The following ASIC2 variants were observed in gnomAD, a reference collection of about 807,000 sequenced individuals.
The protein encoded by ASIC2 is acid sensing ion channel subunit 2, also known as acid-sensing ion channel 2.
ASIC2 carries 25 observed loss-of-function variants against 57.3 expected under a neutral mutation model. That is an observed-to-expected ratio of 0.44 (90% CI 0.32 to 0.61). ASIC2 has a LOEUF of 0.61. ASIC2 is among the 20% of genes least tolerant of loss of function. The pLI is 0.06. For synonymous variants in ASIC2, 319 were observed against 307.5 expected (o/e 1.04, Z -0.39); for missense variants, 641 against 738.1 (o/e 0.87, Z 1.52).
chr17:33,831,598 A>G (rs1351594917), intron 1 of ASIC2, among the ~76,000 whole-genome samples: 5 of 151,970 alleles, frequency 3.3e-5, no homozygotes, highest in Non-Finnish European at 7.4e-5. Flanking sequence ...AAAAAAAAAA[A>G]ATAGAGTCCT....
At chr17:33,438,090 G>A (rs1911691322) in intron 1 of ASIC2, among the ~76,000 whole-genome samples, 1 of 152,148 alleles carries the variant, frequency 6.6e-6, no homozygotes, top group Non-Finnish European at 1.5e-5. Flanking sequence ...AAAATGTCAT[G>A]AGCAATGTAT....
intron 1 of ASIC2, among the ~76,000 whole-genome samples, chr17:33,925,471 A>T (rs1915804334): frequency 6.6e-6 from 1 of 152,204 alleles, no homozygotes; most frequent in Non-Finnish European, 1.5e-5. Flanking sequence ...CAGAATGGGG[A>T]TTAGACCTCT....
At chr17:33,478,015 AATG>A (rs1407347618) in intron 1 of ASIC2, among the ~76,000 whole-genome samples, 1 of 152,206 alleles carries the variant, frequency 6.6e-6, no homozygotes, top group African/African-American at 2.4e-5. Context: ...GATTTAAAAA[AATG>A]ATCTTGATGC....
At chr17:33,750,716 G>T (rs1220151110) in intron 1 of ASIC2, among the ~76,000 whole-genome samples, 1 of 152,124 alleles carries the variant, frequency 6.6e-6, no homozygotes, top group Non-Finnish European at 1.5e-5. Context: ...GAGACATCAG[G>T]CATTGTCTGA....
chr17:34,045,075 T>C (rs1908288504), intron 1 of ASIC2, among the ~76,000 whole-genome samples: 1 of 152,112 alleles, frequency 6.6e-6, no homozygotes, highest in Non-Finnish European at 1.5e-5. Context: ...GACCAGGGGT[T>C]GGGAGGAATG....
chr17:33,496,566 TG>T (rs1183158916), intron 1 of ASIC2, among the ~76,000 whole-genome samples: 1 of 146,182 alleles, frequency 6.8e-6, no homozygotes, highest in Non-Finnish European at 1.5e-5. Context: ...TGGCTTGGAA[TG>T]GGGGTCAATT....
Position 33,023,903 on chromosome 17 carries a change from T to C in ASIC2, c.1307A>G (p.Lys436Arg). The change falls in exon 6 of 10, where the codon AAG becomes AGG. Residue 436 changes from lysine (K) to arginine (R), a missense_variant. This residue lies in a region of ASIC2 where 252 missense variants were observed against 319.8 expected (regional missense o/e 0.79). Transcript: ENST00000225823. The stretch of plus-strand genomic sequence containing the variant: ...TTTGTTAAATTTCTTCTCAAGGTAC[T>C]TGGCTGATGTCTTGCTGGGGATCTT... ...MVKIPSKTSA[K>R]YLEKKFNKSE... 6.2e-7 allele frequency: 1 copy of C among 1,614,268 alleles called. No homozygotes were observed. The highest frequency in any genetic ancestry group is 8.5e-7 in the Non-Finnish European group (1 of 1,180,054).
chr17:33,072,118 T>C (rs1035292329), intron 3 of ASIC2, among the ~76,000 whole-genome samples: 2 of 152,152 alleles, frequency 1.3e-5, no homozygotes, highest in Non-Finnish European at 2.9e-5. Flanking sequence ...TCTGGACTCA[T>C]AGCTCTGTGT....
intron 1 of ASIC2, among the ~76,000 whole-genome samples, chr17:33,538,273 C>A (rs1192996646): frequency 2.6e-5 from 4 of 152,114 alleles, no homozygotes; most frequent in Non-Finnish European, 5.9e-5. Context: ...ATGATTAGGT[C>A]TCATCGCATA....
chr17:33,974,787 C>T (rs1042474110), intron 1 of ASIC2, among the ~76,000 whole-genome samples: 2 of 152,034 alleles, frequency 1.3e-5, no homozygotes, highest in Admixed American at 1.3e-4. Flanking sequence ...CATCCATTCA[C>T]ATCTGTGTCT....
rs575856321 is a variant in ASIC2, at chr17:33,319,411, C to A, written c.556-207344G>T. Among the ~76,000 whole-genome samples, 183 of 152,326 alleles carry A rather than the reference C, an allele frequency of 1.2e-3. 2 individuals carry two copies. Among genetic ancestry groups the A allele is most frequent in the Non-Finnish European group, 2.3e-3 (157 of 68,020 alleles). ...GAGAAGGACCAGCTGATGACAACCA[C>A]ACCCTAGGACAGCCAGTGATGGATG... is the stretch of plus-strand genomic sequence containing the variant. On this transcript the variant is annotated intron_variant, in intron 1 of 9. Transcript: ENST00000359872.
chr17:33,306,635 A>G (rs976387215), intron 1 of ASIC2, among the ~76,000 whole-genome samples: 10 of 152,232 alleles, frequency 6.6e-5, no homozygotes, highest in Non-Finnish European at 1.2e-4. Context: ...ATCCATTCTC[A>G]TCGCTACTAC....
At chr17:33,210,268 C>T (rs887894212) in intron 1 of ASIC2, among the ~76,000 whole-genome samples, 9 of 152,198 alleles carry the variant, frequency 5.9e-5, no homozygotes, top group East Asian at 1.9e-4. Flanking sequence ...CTTTAAGCTG[C>T]TCAAGTTCAC....
At chr17:33,852,618 T>A (rs1309299696) in intron 1 of ASIC2, among the ~76,000 whole-genome samples, 3 of 152,184 alleles carry the variant, frequency 2.0e-5, no homozygotes, top group Non-Finnish European at 2.9e-5. Context: ...ACGAGTTAAG[T>A]GAGGAGTCAG....
intron 1 of ASIC2, among the ~76,000 whole-genome samples, chr17:33,336,994 G>C (rs752026614): frequency 6.6e-6 from 1 of 152,172 alleles, no homozygotes; most frequent in Non-Finnish European, 1.5e-5. Flanking sequence ...GGGCTGCGTA[G>C]AAATATCTCC....
At chr17:33,317,907 G>A (rs1386322490) in intron 1 of ASIC2, among the ~76,000 whole-genome samples, 3 of 151,610 alleles carry the variant, frequency 2.0e-5, no homozygotes, top group Middle Eastern at 3.2e-3. Flanking sequence ...GTGTGTGTGT[G>A]TGTGTGTGTG....
chr17:33,472,040 A>ACGGAGTTTTGCTCTTGT (rs1913069840), intron 1 of ASIC2, among the ~76,000 whole-genome samples: 5 of 142,520 alleles, frequency 3.5e-5, no homozygotes, highest in Non-Finnish European at 6.1e-5. Flanking sequence ...TTTTTTTGAT[A>ACGGAGTTTTGCTCTTGT]CGGAGTTTTG....
intron 3 of ASIC2, among the ~76,000 whole-genome samples, chr17:33,081,346 C>T (rs923545156): frequency 7.9e-5 from 12 of 152,212 alleles, no homozygotes; most frequent in African/African-American, 2.9e-4. Context: ...GCTAAACTAG[C>T]ATATGCTTAA....
chr17:33,392,194 CCCTCCTTCCT>C (rs1909922279), intron 1 of ASIC2, among the ~76,000 whole-genome samples: 4 of 5,204 alleles, frequency 7.7e-4, no homozygotes, highest in Non-Finnish European at 1.3e-3. Context: ...TTCCTTCCTT[CCCTCCTTCCT>C]TCCTTCCTTC....
Sources: allele counts gnomAD v4.1 joint callset (sites outside exome capture counted in the v4.1 genomes callset), GRCh38; gene constraint gnomAD v4.1.1; regional missense constraint gnomAD v4.1.1; transcripts MANE v1.5; gene names NCBI Gene and HGNC (gene_info 2026-07-23, HGNC 2026-07-21).